Variants in NBEA observed in about 807,000 individuals in gnomAD.
NBEA encodes the protein neurobeachin.
Under a neutral mutation model 343.4 loss-of-function variants are expected in NBEA, and 44 were observed. That is an observed-to-expected ratio of 0.13 (90% CI 0.10 to 0.16). The LOEUF (loss-of-function observed/expected upper bound fraction) is 0.16, where lower values mean the gene tolerates loss of function less well. NBEA is among the 10% of genes least tolerant of loss of function. The pLI, the probability that NBEA is intolerant of heterozygous loss-of-function variation, is 1.00. For missense variants in NBEA, 2,555 were observed against 3,631.3 expected (o/e 0.70, Z 7.62); for synonymous variants, 1,175 against 1,238.7 (o/e 0.95, Z 1.08).
chr13:35,165,689 C>CTTTTTTTTTTT (rs577851529), intron 24 of NBEA, among the ~76,000 whole-genome samples: 1 of 134,874 alleles, frequency 7.4e-6, no homozygotes, highest in Non-Finnish European at 1.6e-5. Flanking sequence ...CTTTTCTTTT[C>CTTTTTTTTTTT]TTTTTTTTTT....
Position 35,150,338 on chromosome 13 carries a change from C to A in NBEA, c.2446-5436C>A, listed in dbSNP as rs1390539284. Among the ~76,000 whole-genome samples, 3 of 152,192 alleles carry A rather than the reference C, an allele frequency of 2.0e-5. No individual in the cohort carries two copies. In the East Asian group the frequency reaches 5.8e-4, roughly 29 times the overall value. On this transcript the variant is annotated intron_variant, in intron 18 of 58. Coordinates refer to ENST00000379939, the MANE Select transcript of NBEA (RefSeq NM_001385012.1). ...CCTACAAAATAGCAGAAAGAGTCTT[C>A]AACATAAGCTTTAATACTATGGCCA...
intron 38 of NBEA, among the ~76,000 whole-genome samples, chr13:35,364,094 A>G (rs7990537): frequency 0.29 from 44,253 of 151,772 alleles, 8,300 homozygotes; most frequent in African/African-American, 0.54. Context: ...TGAGGTCACT[A>G]CTTGTGCATG....
intron 44 of NBEA, among the ~76,000 whole-genome samples, chr13:35,563,136 T>TAGATAGATAGATAGATAG (rs1555303308): frequency 5.6e-4 from 47 of 84,228 alleles, no homozygotes; most frequent in Admixed American, 9.1e-4. Flanking sequence ...TGTGTGGAGA[T>TAGATAGATAGATAGATAG]AGATAGATAG....
chr13:35,045,128 T>C (rs1473163972), intron 3 of NBEA, 81 bp downstream of exon 3: 48 of 1,280,158 alleles, frequency 3.7e-5, no homozygotes, highest in Middle Eastern at 3.8e-4. Context: ...TAGAGAGCTA[T>C]ATACTTGAAT....
intron 34 of NBEA, among the ~76,000 whole-genome samples, chr13:35,288,327 T>G (rs2035577381): frequency 6.6e-6 from 1 of 151,968 alleles, no homozygotes; most frequent in African/African-American, 2.4e-5. Flanking sequence ...AATTTGCCTC[T>G]GCTTGTGTTC....
intron 1 of NBEA, among the ~76,000 whole-genome samples, chr13:35,010,721 C>A (rs2061456543): frequency 1.6e-5 from 1 of 64,170 alleles, no homozygotes; most frequent in Non-Finnish European, 2.7e-5. Context: ...AAGACTGGGT[C>A]TCTACAAAAA....
chr13:35,229,758 T>G (rs2074865207), intron 33 of NBEA, among the ~76,000 whole-genome samples: 1 of 152,114 alleles, frequency 6.6e-6, no homozygotes, highest in African/African-American at 2.4e-5. Context: ...AAGGAGGTTC[T>G]TAGGCTGAAG....
chr13:35,072,555 T>A (rs2063917874), intron 10 of NBEA, among the ~76,000 whole-genome samples: 1 of 151,968 alleles, frequency 6.6e-6, no homozygotes, highest in Admixed American at 6.6e-5. Flanking sequence ...TGTTTGTTTG[T>A]TTGTTTGTTT....
chr13:35,089,946 A>C (rs1402239555), intron 10 of NBEA, among the ~76,000 whole-genome samples: 1 of 148,300 alleles, frequency 6.7e-6, no homozygotes, highest in Non-Finnish European at 1.5e-5. Context: ...GCATTGGGAG[A>C]TATACCTAAT....
intron 39 of NBEA, among the ~76,000 whole-genome samples, chr13:35,447,508 A>G (rs1468253086): frequency 6.6e-6 from 1 of 150,384 alleles, no homozygotes; most frequent in Non-Finnish European, 1.5e-5. Flanking sequence ...ATATATATTT[A>G]CTAAGAAGTC....
chr13:35,232,715 G>T (rs2075039517), intron 34 of NBEA, 96 bp downstream of exon 34: 3 of 929,302 alleles, frequency 3.2e-6, no homozygotes, highest in East Asian at 3.2e-5. Flanking sequence ...ATTTCCAAAA[G>T]AATGTAAAGG....
Position 35,671,424 on chromosome 13 carries a change from A to G in NBEA, c.*433A>G, listed in dbSNP as rs2085611399. ...AAAAAACACGTTTGATACTTTGTAC[A>G]TCAGATGCATCTTATTTAAAAGGGA... On this transcript the variant is annotated 3_prime_UTR_variant, in exon 59 of 59. Transcript: ENST00000379939. 1 of 154,926 alleles carries G rather than the reference A, an allele frequency of 6.5e-6. No homozygotes were observed. Among genetic ancestry groups the G allele is most frequent in the African/African-American group, 2.4e-5 (1 of 41,400 alleles). 9.6% of individuals were successfully genotyped at this position (154,926 alleles called of 1,614,324 possible). A position where few individuals can be genotyped will look rare whatever the true frequency, so the allele number is the denominator to read the frequency against.
intron 1 of NBEA, among the ~76,000 whole-genome samples, chr13:34,997,178 A>G (rs2060969769): frequency 6.6e-6 from 1 of 152,188 alleles, no homozygotes; most frequent in African/African-American, 2.4e-5. Flanking sequence ...TAACAACATT[A>G]CCTTTATTGT....
chr13:35,367,188 C>T (rs926325834), intron 38 of NBEA, among the ~76,000 whole-genome samples: 11 of 150,578 alleles, frequency 7.3e-5, no homozygotes, highest in African/African-American at 1.2e-4. Context: ...CTGTAAAGAC[C>T]GTTATAAGCA....
chr13:35,217,374 T>A (rs1250886966), intron 33 of NBEA, among the ~76,000 whole-genome samples: 1 of 152,024 alleles, frequency 6.6e-6, no homozygotes, highest in Non-Finnish European at 1.5e-5. Context: ...AAATTTTTTT[T>A]AATCTGGCTT....
intron 1 of NBEA, among the ~76,000 whole-genome samples, chr13:35,005,612 C>T (rs1057127528): frequency 4.3e-4 from 66 of 152,250 alleles, no homozygotes; most frequent in African/African-American, 1.6e-3. Flanking sequence ...GGTATTAGAG[C>T]ATTTCTTCTC....
At chr13:35,362,161 G>T (rs1458435047) in intron 38 of NBEA, among the ~76,000 whole-genome samples, 1 of 151,870 alleles carries the variant, frequency 6.6e-6, no homozygotes, top group Non-Finnish European at 1.5e-5. Context: ...TTATTGTAAA[G>T]ATTTCCATCA....
intron 38 of NBEA, among the ~76,000 whole-genome samples, chr13:35,366,919 T>A (rs1165900101): frequency 6.6e-6 from 1 of 151,272 alleles, no homozygotes; most frequent in Admixed American, 6.6e-5. Flanking sequence ...ACATAATAGA[T>A]CTGTAAGATA....
chr13:35,580,521 G>A (rs1566356790), intron 45 of NBEA, among the ~76,000 whole-genome samples: 1 of 152,140 alleles, frequency 6.6e-6, no homozygotes, highest in African/African-American at 2.4e-5. Context: ...CAGTATGTAG[G>A]TAAGTAGGTA....
Sources: gnomAD v4.1 joint callset for allele counts (sites outside exome capture counted in the v4.1 genomes callset) on GRCh38, gnomAD v4.1.1 for gene constraint, MANE v1.5 for transcripts, NCBI Gene and HGNC (gene_info 2026-07-23, HGNC 2026-07-21) for gene names.